The following ZNF124 variants were observed in gnomAD, a reference collection of about 807,000 sequenced individuals.
The protein encoded by ZNF124 is zinc finger protein 124.
ZNF124 carries 25 observed loss-of-function variants against 26.6 expected under a neutral mutation model. That is an observed-to-expected ratio of 0.94 (90% CI 0.68 to 1.31). ZNF124 has a LOEUF of 1.31. ZNF124 is among the 40% of genes most tolerant of loss of function. ZNF124 has a pLI of 0.00. For synonymous variants in ZNF124, 129 were observed against 133.3 expected (o/e 0.97, Z 0.22); for missense variants, 444 against 422.2 (o/e 1.05, Z -0.45).
chr1:247,138,494 A>G lies in ZNF124; in HGVS notation c.219-14623T>C, dbSNP rs1347397353. 3.1e-5 allele frequency: 10 copies of G among 323,328 alleles called. No individual in the cohort carries two copies. In the East Asian group the frequency reaches 4.5e-4, roughly 15 times the overall value. 20.0% of individuals were successfully genotyped at this position (323,328 alleles called of 1,614,324 possible). A position where few individuals can be genotyped will look rare whatever the true frequency, so the allele number is the denominator to read the frequency against. ...GTTGGGGGGTGAGGGGAGGGAACTTAGAGGACAGGTCAATAGGTGCAGCAA... is the reference window on the plus strand; with the variant it reads ...GTTGGGGGGTGAGGGGAGGGAACTTGGAGGACAGGTCAATAGGTGCAGCAA... On this transcript the variant is annotated intron_variant, in intron 3 of 3. Transcript: ENST00000472531.
chr1:247,158,334 A>G (rs1673273230), intron 3 of ZNF124, among the ~76,000 whole-genome samples: 1 of 152,038 alleles, frequency 6.6e-6, no homozygotes, highest in Admixed American at 6.6e-5. Context: ...CCCATGTGAC[A>G]TGTCAGCTCC....
chr1:247,169,202 C>T (rs899936712), intron 1 of ZNF124, among the ~76,000 whole-genome samples: 6 of 152,048 alleles, frequency 3.9e-5, no homozygotes, highest in Non-Finnish European at 8.8e-5. Flanking sequence ...GGAGGAGCAG[C>T]GCTAACTGGA....
intron 3 of ZNF124, among the ~76,000 whole-genome samples, chr1:247,124,279 C>T (rs1288442293): frequency 2.0e-5 from 3 of 151,810 alleles, no homozygotes; most frequent in African/African-American, 7.3e-5. Context: ...TCTTGGCTCA[C>T]TGCAACCTCC....
chr1:247,134,958 C>T lies in ZNF124; in HGVS notation c.219-11087G>A, dbSNP rs550927850. Among the ~76,000 whole-genome samples, 352 of 152,202 alleles carry T rather than the reference C, an allele frequency of 2.3e-3. 2 individuals are homozygous for T. Among genetic ancestry groups the T allele is most frequent in the African/African-American group, 8.0e-3 (333 of 41,508 alleles). ...ATTAAGAAACTCACTCCAAACCACA[C>T]GATTTCATGGAAATCAAAAAACCTG... On this transcript the variant is annotated intron_variant, in intron 3 of 3. Transcript: ENST00000472531.
At chr1:247,146,872 G>A (rs115980686) in intron 3 of ZNF124, among the ~76,000 whole-genome samples, 1 of 152,136 alleles carries the variant, frequency 6.6e-6, no homozygotes, top group Non-Finnish European at 1.5e-5. Flanking sequence ...TGGCATCAAG[G>A]CAGAATTTCT....
chr1:247,125,337 C>A (rs1483160819), intron 3 of ZNF124, among the ~76,000 whole-genome samples: 1 of 149,264 alleles, frequency 6.7e-6, no homozygotes, highest in East Asian at 2.0e-4. Context: ...GGTTGCCAGA[C>A]TGTTTTCCAG....
chr1:247,157,344 G>A lies in ZNF124; in HGVS notation c.278C>T (p.Pro93Leu), dbSNP rs1380029470. 4.5e-6 allele frequency: 7 copies of A among 1,560,458 alleles called. No individual in the cohort carries two copies. The highest frequency in any genetic ancestry group is 6.1e-6 in the Non-Finnish European group (7 of 1,151,120). ...PYGCEECGKKPCTCKQCQKTS... is the reference protein window; with the variant it reads ...PYGCEECGKKLCTCKQCQKTS... The stretch of plus-strand genomic sequence containing the variant: ...TTTCTGACATTGTTTACATGTACAT[G>A]GCTTCTTTCCGCATTCCTCACACCC... Residue 93 changes from proline to leucine, a missense_variant, in exon 4 of 4, where the codon CCA becomes CTA. Pro to Leu is a moderately conservative substitution (Grantham distance 98). Transcript: ENST00000543802.
At position 247,155,172 on chromosome 1, in the gene ZNF124, AAAT is replaced by A. The variant is rs1466321241; in HGVS notation, c.*1391_*1393del. On this transcript the variant is annotated 3_prime_UTR_variant, in exon 4 of 4. Coordinates refer to ENST00000543802, the MANE Select transcript of ZNF124 (RefSeq NM_001297568.2). Reference sequence around the variant, plus strand: ...TGACAATGTAAAGAACAACAGATGAAAATAATAATTCACGTGAGAATATACTCT... The same window carrying A: ...TGACAATGTAAAGAACAACAGATGAAAATAATTCACGTGAGAATATACTCT... 6.6e-6 allele frequency among the ~76,000 whole-genome samples: 1 copy of A among 152,216 alleles called. No homozygotes were observed. The highest frequency in any genetic ancestry group is 1.5e-5 in the Non-Finnish European group (1 of 68,036).
At chr1:247,162,082 C>G (rs1302540830) in intron 1 of ZNF124, among the ~76,000 whole-genome samples, 1 of 152,102 alleles carries the variant, frequency 6.6e-6, no homozygotes, top group Non-Finnish European at 1.5e-5. Flanking sequence ...GAATTTGTTC[C>G]CACTAGATCT....
At position 247,145,990 on chromosome 1, in the gene ZNF124, C is replaced by T. The variant is rs999897518; in HGVS notation, c.218+13016G>A. On this transcript the variant is annotated intron_variant, in intron 3 of 3. Transcript: ENST00000472531. ...TGCTGAGGTTATTTCCAGTTTGCAG[C>T]CTGAAAGGTTTCCTTTTTTCAGACA... Among the ~76,000 whole-genome samples the T allele has an allele frequency of 9.2e-5, 14 of 152,308 alleles. No individual in the cohort carries two copies. In the East Asian group the frequency reaches 1.7e-3, roughly 19 times the overall value.
At chr1:247,138,571 A>G in intron 3 of ZNF124, 1 of 387,422 alleles carries the variant, frequency 2.6e-6, no homozygotes. Context: ...TTCTACACGT[A>G]TCCCGTTTTC....
At chr1:247,142,100 T>C (rs765516935) in intron 3 of ZNF124, among the ~76,000 whole-genome samples, 1 of 152,168 alleles carries the variant, frequency 6.6e-6, no homozygotes, top group African/African-American at 2.4e-5. Flanking sequence ...GGGAGAAAGA[T>C]AGGACCAGCC....
chr1:247,136,704 T>C (rs1008869330), intron 3 of ZNF124, among the ~76,000 whole-genome samples: 3 of 152,126 alleles, frequency 2.0e-5, no homozygotes, highest in African/African-American at 7.2e-5. Context: ...CCCAGCACTT[T>C]AGGAGGCCAA....
chr1:247,157,187 A>C lies in ZNF124; in HGVS notation c.435T>G (p.Thr145=). ...SSFQIHQRNH[T]GEKPYECMEC... Reference sequence around the variant, plus strand: ...CCATACATTCATAGGGTTTCTCTCCAGTGTGATTTCTCTGATGTATCTGAA... The same window carrying C: ...CCATACATTCATAGGGTTTCTCTCCCGTGTGATTTCTCTGATGTATCTGAA... Residue 145 remains threonine (T), a synonymous_variant, in exon 4 of 4, where the codon ACT becomes ACG. Coordinates refer to ENST00000543802, the MANE Select transcript of ZNF124 (RefSeq NM_001297568.2). 6.2e-7 allele frequency: 1 copy of C among 1,614,076 alleles called. No individual in the cohort carries two copies. The highest frequency in any genetic ancestry group is 8.5e-7 in the Non-Finnish European group (1 of 1,179,906).
chr1:247,128,923 A>G (rs55728370), intron 3 of ZNF124, among the ~76,000 whole-genome samples: 9,404 of 95,394 alleles, frequency 0.099, 359 homozygotes, highest in African/African-American at 0.19. Context: ...GGGAGGGTGG[A>G]CATTGAGTAC....
chr1:247,149,912 AAGACCTTGGTC>A (rs1370162904), intron 3 of ZNF124: 1 of 152,228 alleles, frequency 6.6e-6, no homozygotes, highest in East Asian at 1.9e-4. Context: ...GTCTCTGGTG[AAGACCTTGGTC>A]TCTGCTTTCA....
chr1:247,164,348 A>AC (rs1277964060), intron 1 of ZNF124, among the ~76,000 whole-genome samples: 4 of 152,124 alleles, frequency 2.6e-5, no homozygotes, highest in African/African-American at 7.2e-5. Flanking sequence ...ATGATCCTAT[A>AC]CCCCCCAAAA....
chr1:247,152,879 C>G (rs1202932249), downstream of ZNF124, among the ~76,000 whole-genome samples: 1 of 152,074 alleles, frequency 6.6e-6, no homozygotes, highest in Non-Finnish European at 1.5e-5. Context: ...TTTAAAATTA[C>G]TTATCTAGCT....
At chr1:247,151,434 G>A (rs546094491), downstream of ZNF124, among the ~76,000 whole-genome samples, 36 of 149,294 alleles carry the variant, frequency 2.4e-4, no homozygotes, top group Non-Finnish European at 3.8e-4. Context: ...AGCCGAGATC[G>A]CGCCACTGCA....
Sources: allele counts gnomAD v4.1 joint callset (sites outside exome capture counted in the v4.1 genomes callset), GRCh38; gene constraint gnomAD v4.1.1; transcripts MANE v1.5; gene names NCBI Gene and HGNC (gene_info 2026-07-23, HGNC 2026-07-21).